Variants in KCNG4 observed in about 807,000 individuals in gnomAD.
KCNG4 encodes the protein voltage-gated potassium channel regulatory subunit KCNG4.
Under a neutral mutation model 28.2 loss-of-function variants are expected in KCNG4, and 30 were observed. The observed-to-expected ratio is 1.06, with a 90% CI of 0.80 to 1.44. KCNG4 has a LOEUF of 1.44. Among genes scored for constraint, KCNG4 ranks in the 40% most tolerant of loss-of-function variants. The pLI is 0.00. For synonymous variants in KCNG4, 375 were observed against 315.5 expected, an observed-to-expected ratio of 1.19 and a Z score of -2.00; for missense variants, 879 against 712.3, an observed-to-expected ratio of 1.23 and a Z score of -2.66.
intron 2 of KCNG4, among the ~76,000 whole-genome samples, chr16:84,234,922 A>C (rs773236738): frequency 2.0e-5 from 3 of 152,172 alleles, no homozygotes; most frequent in Non-Finnish European, 4.4e-5. Context: ...TCTAAACGGA[A>C]ACACAGACAC....
chr16:84,229,546 C>T (rs1358249248), intron 2 of KCNG4, among the ~76,000 whole-genome samples: 1 of 152,256 alleles, frequency 6.6e-6, no homozygotes, highest in African/African-American at 2.4e-5. Flanking sequence ...GCCATCCCAT[C>T]GCCTCTGTGC....
intron 2 of KCNG4, among the ~76,000 whole-genome samples, chr16:84,230,566 C>T (rs762259228): frequency 6.6e-6 from 1 of 152,112 alleles, no homozygotes; most frequent in Non-Finnish European, 1.5e-5. Flanking sequence ...AGCAAGACTC[C>T]GTCTCAAAAT....
intron 2 of KCNG4, chr16:84,235,272 C>G (rs956588732): frequency 6.6e-6 from 1 of 152,220 alleles, no homozygotes; most frequent in African/African-American, 2.4e-5. Context: ...GTAAGAGGAA[C>G]AGGCTTGTGA....
In KCNG4 at chr16:84,236,538, A is replaced by AGT; in HGVS notation, c.756+191_756+192insAC. The AGT allele has an allele frequency of 1.5e-5, 12 of 808,568 alleles. No homozygotes were observed. In the African/African-American group the frequency reaches 1.6e-4, roughly 11 times the overall value. The allele number at this position is 808,568 out of a possible 1,614,324, so 50.1% of individuals were successfully genotyped here. On this transcript the variant is annotated intron_variant, in intron 2 of 2. Transcript: ENST00000308251. ...GGCACTTTTGCCTTTGCAGGACTCC[A>AGT]ATAAAAAAAAAAAAGATGGAAAATT...
In KCNG4 at chr16:84,221,900, C is replaced by G; in HGVS notation, c.*317G>C. ...GTTCTATGGGCATCCAGAACCCAGC[C>G]TGGGATGTTAAAGCCTCTGCTGGGA... On this transcript the variant is annotated 3_prime_UTR_variant, in exon 3 of 3. Transcript: ENST00000308251. 1 of 356,166 alleles carries G rather than the reference C, an allele frequency of 2.8e-6. No individual in the cohort carries two copies. The highest frequency in any genetic ancestry group is 6.2e-5 in the East Asian group (1 of 16,104). 22.1% of individuals were successfully genotyped at this position (356,166 alleles called of 1,614,324 possible). A position where few individuals can be genotyped will look rare whatever the true frequency, so the allele number is the denominator to read the frequency against.
In KCNG4 at chr16:84,218,817, T is replaced by C. The variant is rs1358206156; in HGVS notation, c.*3400A>G. 1 of 152,198 alleles carries C rather than the reference T, an allele frequency of 6.6e-6. No individual in the cohort carries two copies. Among genetic ancestry groups the C allele is most frequent in the Non-Finnish European group, 1.5e-5 (1 of 68,038 alleles). 9.4% of individuals were successfully genotyped at this position (152,198 alleles called of 1,614,324 possible). ...AATGGTGGTGGTGCTTCACCTAATT[T>C]TGATTTTAAATGTTTCTTTTAGTGC... is the stretch of plus-strand genomic sequence containing the variant. On this transcript the variant is annotated 3_prime_UTR_variant, in exon 3 of 3. Coordinates refer to ENST00000308251, the MANE Select transcript of KCNG4 (RefSeq NM_172347.3).
chr16:84,226,484 G>C lies in KCNG4; in HGVS notation c.757-3464C>G, dbSNP rs1904700933. ...CTACACCTAGGATTTGTGCATTTCAGTGTATGTACATTTCACCTGTAAAAC... is the reference window on the plus strand; with the variant it reads ...CTACACCTAGGATTTGTGCATTTCACTGTATGTACATTTCACCTGTAAAAC... On this transcript the variant is annotated intron_variant, in intron 2 of 2. Transcript: ENST00000308251. This position sits in a 1 kb window ranked among gnomAD's most constrained non-coding sequence, Gnocchi z 4.1. Among the ~76,000 whole-genome samples the C allele has an allele frequency of 6.6e-6, 1 of 152,126 alleles. No individual in the cohort carries two copies. Among genetic ancestry groups the C allele is most frequent in the South Asian group, 2.1e-4 (1 of 4,828 alleles).
intron 2 of KCNG4, among the ~76,000 whole-genome samples, chr16:84,235,218 C>A (rs1216924868): frequency 1.3e-5 from 2 of 152,138 alleles, no homozygotes; most frequent in East Asian, 3.9e-4. Flanking sequence ...TCTGCGCAAC[C>A]GAAATCCTGG....
chr16:84,233,372 AG>A (rs1904871067), intron 2 of KCNG4, among the ~76,000 whole-genome samples: 1 of 152,160 alleles, frequency 6.6e-6, no homozygotes, highest in Non-Finnish European at 1.5e-5. Flanking sequence ...AATGGCCCTG[AG>A]GCTGAGGTTC....
intron 2 of KCNG4, among the ~76,000 whole-genome samples, chr16:84,233,753 G>C (rs1366499506): frequency 6.6e-6 from 1 of 151,672 alleles, no homozygotes; most frequent in Non-Finnish European, 1.5e-5. Context: ...AGGAAAGAAG[G>C]GAAGAAAAAT....
chr16:84,230,033 G>C (rs1361715510), intron 2 of KCNG4, among the ~76,000 whole-genome samples: 1 of 152,116 alleles, frequency 6.6e-6, no homozygotes, highest in Non-Finnish European at 1.5e-5. Context: ...AGGAGGCAGG[G>C]AGGTGGAAAT....
chr16:84,229,911 G>C (rs377239542), intron 2 of KCNG4, among the ~76,000 whole-genome samples: 2 of 152,234 alleles, frequency 1.3e-5, no homozygotes, highest in Non-Finnish European at 2.9e-5. Context: ...ACCAAGCACA[G>C]AGAAGCTCCA....
chr16:84,239,948 G>C lies in KCNG4; in HGVS notation c.-319C>G, dbSNP rs1905059928. Among the ~76,000 whole-genome samples, 1 of 150,614 alleles carries C rather than the reference G, an allele frequency of 6.6e-6. No homozygotes were observed. The highest frequency in any genetic ancestry group is 2.4e-5 in the African/African-American group (1 of 40,838). ...TTTTTTTTTTTTAAAGGACCCAGAA[G>C]TCCCTTTCCTTATGAGAGATGAGGG... On this transcript the variant is annotated 5_prime_UTR_variant, in exon 1 of 3. Coordinates refer to ENST00000308251, the MANE Select transcript of KCNG4 (RefSeq NM_172347.3).
chr16:84,237,631 G>C, intron 1 of KCNG4, 106 bp from the exon 2 acceptor site: 3 of 661,206 alleles, frequency 4.5e-6, no homozygotes, highest in Non-Finnish European at 6.8e-6. Context: ...GCTTTCCTGT[G>C]ACTGCATCTG....
intron 2 of KCNG4, chr16:84,235,951 T>C (rs150744676): frequency 2.6e-5 from 4 of 152,034 alleles, no homozygotes; most frequent in Admixed American, 2.6e-4. Context: ...GGCTCCCGAG[T>C]GGAGGGAGGG....
chr16:84,225,609 C>T (rs534625962), intron 2 of KCNG4, among the ~76,000 whole-genome samples: 31 of 152,340 alleles, frequency 2.0e-4, no homozygotes, highest in African/African-American at 7.0e-4. Context: ...GAGTTTCTCC[C>T]TAGGCTTAAA....
intron 2 of KCNG4, among the ~76,000 whole-genome samples, chr16:84,228,401 C>T (rs1447632459): frequency 6.6e-6 from 1 of 152,180 alleles, no homozygotes; most frequent in Non-Finnish European, 1.5e-5. Flanking sequence ...TGCCTTTGGC[C>T]CTGGCCCGAG....
intron 2 of KCNG4, among the ~76,000 whole-genome samples, chr16:84,229,126 C>G (rs148907007): frequency 3.3e-5 from 5 of 152,126 alleles, no homozygotes; most frequent in Non-Finnish European, 5.9e-5. Flanking sequence ...GTGTGGAAAC[C>G]CTGTCTCTAC....
chr16:84,231,395 C>G (rs1904823246), intron 2 of KCNG4, among the ~76,000 whole-genome samples: 1 of 152,112 alleles, frequency 6.6e-6, no homozygotes, highest in Admixed American at 6.5e-5. Flanking sequence ...GGAAGAAAGA[C>G]AGTCCACTGC....
Sources: gnomAD v4.1 joint callset for allele counts (sites outside exome capture counted in the v4.1 genomes callset) on GRCh38, gnomAD v4.1.1 for gene constraint, Gnocchi (gnomAD v3.1) non-coding constraint, MANE v1.5 for transcripts, NCBI Gene and HGNC (gene_info 2026-07-23, HGNC 2026-07-21) for gene names.